LRP6: variants seen among roughly 807,000 people sequenced by gnomAD.
LRP6 encodes the protein LDL receptor related protein 6.
A neutral mutation model predicts 184.1 loss-of-function variants in LRP6; 43 were observed. The ratio of observed to expected loss-of-function variants is 0.23; its 90% CI spans 0.18 to 0.30. The LOEUF is 0.30. Ranked by LOEUF, LRP6 falls within the 10% of genes least tolerant of loss-of-function variation. The pLI, the probability that LRP6 is intolerant of heterozygous loss-of-function variation, is 1.00. For synonymous variants in LRP6, 719 were observed against 684.9 expected, an observed-to-expected ratio of 1.05 and a Z score of -0.78; for missense variants, 1,571 against 2,005.3, an observed-to-expected ratio of 0.78 and a Z score of 4.14.
intron 1 of LRP6, among the ~76,000 whole-genome samples, chr12:12,263,550 C>CAAA (rs71061036): frequency 4.4e-5 from 6 of 135,874 alleles, no homozygotes; most frequent in African/African-American, 8.3e-5. Flanking sequence ...GAATCCGTCT[C>CAAA]AAAAAAAAAA....
At chr12:12,245,998 T>C (rs1239470788) in intron 1 of LRP6, among the ~76,000 whole-genome samples, 1 of 57,672 alleles carries the variant, frequency 1.7e-5, no homozygotes, top group African/African-American at 3.4e-5. Context: ...TATATAAACT[T>C]TTTTTTTTTT....
chr12:12,244,359 G>A lies in LRP6; in HGVS notation c.352C>T (p.Arg118Trp), dbSNP rs1865135143. 4 of 1,614,042 alleles carry A rather than the reference G, an allele frequency of 2.5e-6. No individual in the cohort carries two copies. Among genetic ancestry groups the A allele is most frequent in the Non-Finnish European group, 3.4e-6 (4 of 1,179,978 alleles). ...CCATCTAAATTAGAAACTTCAATCC[G>A]ATTAGTTTCAGAATCTGTCCAGTAC... ...KLYWTDSETNRIEVSNLDGSL... is the reference protein window; with the variant it reads ...KLYWTDSETNWIEVSNLDGSL... The change falls in exon 2 of 23, where the codon CGG becomes TGG. Residue 118 changes from arginine to tryptophan, a missense_variant. Around this residue, in one of 4 missense-constraint regions of LRP6, gnomAD observed 640 missense variants for 851.9 expected, o/e 0.75. Transcript: ENST00000261349.
intron 15 of LRP6, among the ~76,000 whole-genome samples, chr12:12,141,800 G>C (rs1351836328): frequency 1.3e-5 from 2 of 152,136 alleles, no homozygotes; most frequent in Non-Finnish European, 2.9e-5. Context: ...GTTTTAGAAA[G>C]AAATGTACCT....
intron 2 of LRP6, among the ~76,000 whole-genome samples, chr12:12,214,813 A>C (rs1386257844): frequency 6.6e-6 from 1 of 152,198 alleles, no homozygotes; most frequent in African/African-American, 2.4e-5. Context: ...TAAAGCTTGA[A>C]TCTTACATTT....
intron 2 of LRP6, among the ~76,000 whole-genome samples, chr12:12,208,017 T>C (rs1216339006): frequency 3.3e-5 from 5 of 152,014 alleles, no homozygotes; most frequent in African/African-American, 4.8e-5. Context: ...CACACAACAA[T>C]GGCAACAAGC....
chr12:12,176,364 A>C (rs1863182868), intron 7 of LRP6, among the ~76,000 whole-genome samples: 1 of 152,210 alleles, frequency 6.6e-6, no homozygotes, highest in Non-Finnish European at 1.5e-5. Flanking sequence ...CTATCACCTG[A>C]CAAGTAGGGA....
intron 12 of LRP6, among the ~76,000 whole-genome samples, chr12:12,157,875 T>C (rs192370880): frequency 6.6e-6 from 1 of 152,280 alleles, no homozygotes; most frequent in Admixed American, 6.5e-5. Context: ...ATTTAAGTTA[T>C]AAGCCAGGTT....
chr12:12,167,490 A>G (rs965766070), intron 7 of LRP6, among the ~76,000 whole-genome samples: 5 of 152,136 alleles, frequency 3.3e-5, no homozygotes, highest in African/African-American at 1.2e-4. Context: ...AAAAATACAA[A>G]AAATTTGCTG....
At chr12:12,253,863 G>A (rs546089894) in intron 1 of LRP6, among the ~76,000 whole-genome samples, 3 of 152,204 alleles carry the variant, frequency 2.0e-5, no homozygotes, top group African/African-American at 7.2e-5. Flanking sequence ...AGGGCTATGG[G>A]CCAGGTGTGG....
chr12:12,256,316 T>C (rs1865463741), intron 1 of LRP6, among the ~76,000 whole-genome samples: 2 of 152,142 alleles, frequency 1.3e-5, no homozygotes, highest in African/African-American at 2.4e-5. Context: ...CCCAGCACTC[T>C]GGGAGGCAGA....
intron 1 of LRP6, among the ~76,000 whole-genome samples, chr12:12,258,756 T>C (rs1865536182): frequency 6.6e-6 from 1 of 152,234 alleles, no homozygotes; most frequent in Non-Finnish European, 1.5e-5. Flanking sequence ...TTAAACTGGA[T>C]ATATGGATAT....
chr12:12,155,919 T>C, intron 12 of LRP6: 1 of 550,082 alleles, frequency 1.8e-6, no homozygotes, highest in Non-Finnish European at 3.2e-6. Context: ...TATTTAACAA[T>C]AATTTCTTGA....
chr12:12,249,383 A>G (rs1865266796), intron 1 of LRP6: 3 of 951,106 alleles, frequency 3.2e-6, no homozygotes, highest in South Asian at 2.6e-5. Context: ...GTCTAAAGAA[A>G]ATATGAAACT....
At chr12:12,248,333 A>G (rs1347494003) in intron 1 of LRP6, among the ~76,000 whole-genome samples, 1 of 152,240 alleles carries the variant, frequency 6.6e-6, no homozygotes, top group Admixed American at 6.5e-5. Flanking sequence ...GCAAAATCTT[A>G]TAACATTGGT....
At chr12:12,171,671 C>T (rs1231965401) in intron 7 of LRP6, among the ~76,000 whole-genome samples, 1 of 152,166 alleles carries the variant, frequency 6.6e-6, no homozygotes, top group Non-Finnish European at 1.5e-5. Flanking sequence ...GACTGTGAGA[C>T]TTTGCATCTA....
At chr12:12,187,177 A>T in intron 3 of LRP6, 58 bp from the exon 4 acceptor site, 7 of 1,381,404 alleles carry the variant, frequency 5.1e-6, no homozygotes, top group Non-Finnish European at 7.1e-6. Context: ...TTCTATCATA[A>T]CGTCACCTCT....
chr12:12,224,445 G>C (rs1172801463), intron 2 of LRP6, among the ~76,000 whole-genome samples: 3 of 151,530 alleles, frequency 2.0e-5, no homozygotes, highest in Non-Finnish European at 4.4e-5. Context: ...CAATCTCTAG[G>C]AGACTCATTT....
chr12:12,192,007 G>C (rs536426043), intron 3 of LRP6, among the ~76,000 whole-genome samples: 2 of 152,016 alleles, frequency 1.3e-5, no homozygotes, highest in African/African-American at 4.8e-5. Flanking sequence ...TAAATATGCA[G>C]GTTAATAAAA....
At chr12:12,134,862 G>C (rs1402933482) in intron 17 of LRP6, among the ~76,000 whole-genome samples, 1 of 152,162 alleles carries the variant, frequency 6.6e-6, no homozygotes, top group African/African-American at 2.4e-5. Flanking sequence ...CCTGTCATTT[G>C]CAACAACACA....
Sources: allele counts gnomAD v4.1 joint callset (sites outside exome capture counted in the v4.1 genomes callset), GRCh38; gene constraint gnomAD v4.1.1; regional missense constraint gnomAD v4.1.1; transcripts MANE v1.5; gene names NCBI Gene and HGNC (gene_info 2026-07-23, HGNC 2026-07-21).